Variants in PIP4K2B observed in about 807,000 individuals in gnomAD.
The protein encoded by PIP4K2B is phosphatidylinositol 5-phosphate 4-kinase type-2 beta.
A neutral mutation model predicts 42.0 loss-of-function variants in PIP4K2B; 3 were observed. That is an observed-to-expected ratio of 0.07 (90% CI 0.03 to 0.18). PIP4K2B has a LOEUF of 0.18. Among genes scored for constraint, PIP4K2B ranks in the 10% least tolerant of loss-of-function variants. The probability of loss-of-function intolerance (pLI) is 1.00; values close to 1 mark genes in which losing one functional copy is unlikely to be tolerated. For missense variants in PIP4K2B, 332 were observed against 562.3 expected (o/e 0.59, Z 4.14); for synonymous variants, 204 against 210.1 (o/e 0.97, Z 0.25).
rs771929610 is a variant in PIP4K2B, at chr17:38,769,643, C to T, written c.*48G>A. On this transcript the variant is annotated 3_prime_UTR_variant, in exon 10 of 10. Coordinates refer to ENST00000619039, the MANE Select transcript of PIP4K2B (RefSeq NM_003559.5). ...ACACCCTTCTCCCTAACTCCCGATCCCCGACCCCATATCCAGCTCTCTGGC... is the reference window on the plus strand; with the variant it reads ...ACACCCTTCTCCCTAACTCCCGATCTCCGACCCCATATCCAGCTCTCTGGC... 6.2e-6 allele frequency: 7 copies of T among 1,132,334 alleles called. No homozygotes were observed. The highest frequency in any genetic ancestry group is 4.9e-5 in the South Asian group (4 of 81,536). The allele number at this position is 1,132,334 out of a possible 1,614,324, so 70.1% of individuals were successfully genotyped here. A position where few individuals can be genotyped will look rare whatever the true frequency, so the allele number is the denominator to read the frequency against.
In PIP4K2B at chr17:38,769,432, G is replaced by T; in HGVS notation, c.*259C>A. ...CAAAAAGGGAACCCCTTTTTAACCT[G>T]GGTGTCAAATGGGGAGAAAAAATCA... On this transcript the variant is annotated 3_prime_UTR_variant, in exon 10 of 10. Transcript: ENST00000619039. 4.1e-6 allele frequency: 2 copies of T among 491,800 alleles called. No homozygotes were observed. Among genetic ancestry groups the T allele is most frequent in the Non-Finnish European group, 7.2e-6 (2 of 276,704 alleles). The allele number at this position is 491,800 out of a possible 1,614,324, so 30.5% of individuals were successfully genotyped here.
chr17:38,788,480 A>G (rs228304), intron 1 of PIP4K2B, among the ~76,000 whole-genome samples: 105,500 of 151,796 alleles, frequency 0.7, 37,649 homozygotes, highest in Admixed American at 0.82. Context: ...GATTACAGGC[A>G]TGAGCCACTG....
In PIP4K2B at chr17:38,778,365, G is replaced by A. The variant is rs1567655810; in HGVS notation, c.662C>T (p.Thr221Met). The part of the protein sequence containing the change: ...VHRKYDLKGS[T>M]VAREASDKEK... ...CTTGTCGCTCGCTTCTCTGGCAACC[G>A]TAGAACCCTGAAAGGATAAGAGCCA... Residue 221 changes from threonine (T) to methionine (M), a missense_variant, in exon 6 of 10, where the codon ACG becomes ATG. By Grantham distance (81) the Thr-to-Met change is moderately conservative. Transcript: ENST00000619039. 2.5e-6 allele frequency: 4 copies of A among 1,614,020 alleles called. No homozygotes were observed. The highest frequency in any genetic ancestry group is 3.4e-6 in the Non-Finnish European group (4 of 1,179,930).
At position 38,799,372 on chromosome 17, in the gene PIP4K2B, G is replaced by A; in HGVS notation, c.53C>T (p.Ala18Val). 6.2e-7 allele frequency: 1 copy of A among 1,607,712 alleles called. No homozygotes were observed. Among genetic ancestry groups the A allele is most frequent in the Admixed American group, 1.7e-5 (1 of 59,710 alleles). ...CTTCTTCTTGGTCTTGGTCTTGCTG[G>A]CGCTGAGCGGCGCCACCGCCACCGC... is the stretch of plus-strand genomic sequence containing the variant. ...TTAVAVAPLS[A>V]SKTKTKKKHF... Residue 18 changes from alanine to valine, a missense_variant, in exon 1 of 10, where the codon GCC becomes GTC. By Grantham distance (64) the Ala-to-Val change is moderately conservative. Coordinates refer to ENST00000619039, the MANE Select transcript of PIP4K2B (RefSeq NM_003559.5). This position sits in a 1 kb window ranked among gnomAD's most constrained non-coding sequence, Gnocchi z 4.4.
Position 38,766,344 on chromosome 17 carries a change from C to A in PIP4K2B, c.*3347G>T. 6.5e-6 allele frequency: 1 copy of A among 152,816 alleles called. No individual in the cohort carries two copies. 9.5% of individuals were successfully genotyped at this position (152,816 alleles called of 1,614,324 possible). A position where few individuals can be genotyped will look rare whatever the true frequency, so the allele number is the denominator to read the frequency against. On this transcript the variant is annotated 3_prime_UTR_variant, in exon 10 of 10. Transcript: ENST00000619039. ...TTAAACGCACTGTCCCTTCTAGCCC[C>A]CAACACCTGAGTAACTCACATGCTG... is the stretch of plus-strand genomic sequence containing the variant.
chr17:38,771,530 CAGAGGGAGATGGTCTCAAAAAAAA>C (rs1478894226), intron 7 of PIP4K2B, among the ~76,000 whole-genome samples: 2 of 104,434 alleles, frequency 1.9e-5, no homozygotes, highest in East Asian at 6.5e-4. Context: ...AGCTGGGTAA[CAGAGGGAGATGGTCTCAAAAAAAA>C]AAAAAAAAAA....
At chr17:38,771,411 T>TCAGAG (rs1462577988) in intron 7 of PIP4K2B, 139 bp from the exon 8 acceptor site, 14 of 927,454 alleles carry the variant, frequency 1.5e-5, no homozygotes, top group African/African-American at 2.0e-5. Flanking sequence ...GAGTAAGGCA[T>TCAGAG]CAGAGCACCC....
chr17:38,791,934 A>G (rs1239570496), intron 1 of PIP4K2B, among the ~76,000 whole-genome samples: 1 of 151,528 alleles, frequency 6.6e-6, no homozygotes, highest in Non-Finnish European at 1.5e-5. Flanking sequence ...CTAAAAAAAA[A>G]TACAAAAAAA....
At position 38,769,736 on chromosome 17, in the gene PIP4K2B, C is replaced by T. The variant is rs1373516115; in HGVS notation, c.1206G>A (p.Gln402=). 1 of 1,612,678 alleles carries T rather than the reference C, an allele frequency of 6.2e-7. No homozygotes were observed. The highest frequency in any genetic ancestry group is 2.2e-5 in the East Asian group (1 of 44,896). The part of the protein sequence containing the change: ...GAEISTVNPE[Q]YSKRFNEFMS... ...TAAACTCGTTGAAGCGTTTGGAGTA[C>T]TGCTCAGGGTTCACAGTCGAGATCT... Residue 402 remains glutamine (Q), a synonymous_variant, in exon 10 of 10, where the codon CAG becomes CAA. Transcript: ENST00000619039.
At chr17:38,788,436 G>A (rs1043762280) in intron 1 of PIP4K2B, among the ~76,000 whole-genome samples, 14 of 151,912 alleles carry the variant, frequency 9.2e-5, no homozygotes, top group Admixed American at 6.6e-5. Context: ...TCCTGAGCTC[G>A]TGATCCACCC....
chr17:38,770,368 T>C, intron 9 of PIP4K2B, 68 bp downstream of exon 9: 1 of 901,366 alleles, frequency 1.1e-6, no homozygotes, highest in Non-Finnish European at 1.8e-6. Context: ...CTGCCCTCCC[T>C]GGGGTCTGAG....
chr17:38,774,680 G>C (rs533828940), intron 7 of PIP4K2B, among the ~76,000 whole-genome samples: 86 of 152,130 alleles, frequency 5.7e-4, no homozygotes, highest in African/African-American at 1.8e-3. Context: ...TGAGGCAGGA[G>C]AATGGCGTGA....
chr17:38,787,308 TG>T (rs1037697308), intron 1 of PIP4K2B, among the ~76,000 whole-genome samples: 1 of 152,188 alleles, frequency 6.6e-6, no homozygotes, highest in African/African-American at 2.4e-5. Flanking sequence ...CCACCACACC[TG>T]GCCCCTCCCT....
In PIP4K2B at chr17:38,780,593, C is replaced by T. The variant is rs16968328; in HGVS notation, c.366G>A (p.Thr122=). 16,187 of 1,611,018 alleles carry T rather than the reference C, an allele frequency of 0.01. 1,358 individuals carry two copies. The African/African-American group carries it at 0.19, about 19-fold the overall frequency. Residue 122 remains threonine, a synonymous_variant, in exon 4 of 10, where the codon ACG becomes ACA. Coordinates refer to ENST00000619039, the MANE Select transcript of PIP4K2B (RefSeq NM_003559.5). ...TGTCACTGTTGATGGGGGCGCTGCG[C>T]GTCACTGAATTCTGATAATCGAGAC... ...IDDQDYQNSV[T]RSAPINSDSQ...
chr17:38,794,764 TTAAAG>T (rs770838611), intron 1 of PIP4K2B, among the ~76,000 whole-genome samples: 1 of 152,006 alleles, frequency 6.6e-6, no homozygotes, highest in Non-Finnish European at 1.5e-5. Flanking sequence ...CTGGACTTTA[TTAAAG>T]TTAAAAACTT....
Position 38,799,545 on chromosome 17 carries a change from G to A in PIP4K2B, c.-121C>T, listed in dbSNP as rs1217374193. ...CGCTCCCTCACCGCGCCATGGTCGC[G>A]CCCGTCCCGTTACCTCCCACCCCGC... On this transcript the variant is annotated 5_prime_UTR_variant, in exon 1 of 10. Transcript: ENST00000619039. This position sits in a 1 kb window ranked among gnomAD's most constrained non-coding sequence, Gnocchi z 4.4. The A allele has an allele frequency of 4.7e-5, 61 of 1,306,524 alleles. No homozygotes were observed. Among genetic ancestry groups the A allele is most frequent in the Non-Finnish European group, 5.6e-5 (58 of 1,028,380 alleles). 80.9% of individuals were successfully genotyped at this position (1,306,524 alleles called of 1,614,324 possible). A position where few individuals can be genotyped will look rare whatever the true frequency, so the allele number is the denominator to read the frequency against.
At chr17:38,798,460 A>C (rs903969292) in intron 1 of PIP4K2B, among the ~76,000 whole-genome samples, 8 of 152,346 alleles carry the variant, frequency 5.3e-5, no homozygotes, top group South Asian at 2.1e-4. Context: ...CAGGGGACCT[A>C]TCTCTCCTAT....
At chr17:38,782,668 C>T (rs565548875) in intron 3 of PIP4K2B, among the ~76,000 whole-genome samples, 6 of 152,260 alleles carry the variant, frequency 3.9e-5, no homozygotes, top group Admixed American at 2.0e-4. Context: ...CCCTCTTCTT[C>T]GAGATACTTT....
At chr17:38,780,345 G>T in intron 4 of PIP4K2B, 107 bp downstream of exon 4, 1 of 872,692 alleles carries the variant, frequency 1.1e-6, no homozygotes, top group Non-Finnish European at 1.7e-6. Context: ...ATCAGAAGCA[G>T]CTGCCATTAC....
Sources: gnomAD v4.1 joint callset for allele counts (sites outside exome capture counted in the v4.1 genomes callset) on GRCh38, gnomAD v4.1.1 for gene constraint, Gnocchi (gnomAD v3.1) non-coding constraint, MANE v1.5 for transcripts, NCBI Gene and HGNC (gene_info 2026-07-23, HGNC 2026-07-21) for gene names.